RABGAP1L: variants seen among roughly 807,000 people sequenced by gnomAD.
RABGAP1L encodes rab GTPase-activating protein 1-like.
Under a neutral mutation model 137.7 loss-of-function variants are expected in RABGAP1L, and 63 were observed. The ratio of observed to expected loss-of-function variants is 0.46; its 90% CI spans 0.37 to 0.56. The LOEUF (loss-of-function observed/expected upper bound fraction) is 0.56. Among genes scored for constraint, RABGAP1L ranks in the 20% least tolerant of loss-of-function variants. RABGAP1L has a pLI of 0.00. For synonymous variants in RABGAP1L, 431 were observed against 433.7 expected (o/e 0.99, Z 0.08); for missense variants, 1,095 against 1,244.0 (o/e 0.88, Z 1.80).
At chr1:174,367,519 T>C in intron 11 of RABGAP1L, 1 of 198,706 alleles carries the variant, frequency 5.0e-6, no homozygotes, top group South Asian at 1.0e-4. Flanking sequence ...GATGGCTTAA[T>C]TTATTTCCTC....
chr1:174,543,785 G>T (rs1165451206), intron 13 of RABGAP1L, among the ~76,000 whole-genome samples: 2 of 152,156 alleles, frequency 1.3e-5, no homozygotes, highest in Admixed American at 6.5e-5. Flanking sequence ...TGTAAGGCAG[G>T]CCTGGTGGTG....
chr1:174,540,757 G>A (rs918838615), intron 13 of RABGAP1L, among the ~76,000 whole-genome samples: 2 of 152,128 alleles, frequency 1.3e-5, no homozygotes, highest in African/African-American at 4.8e-5. Flanking sequence ...TTTTTGTTTA[G>A]GATTGTCTTG....
At chr1:174,266,968 T>C (rs1674125442) in intron 7 of RABGAP1L, among the ~76,000 whole-genome samples, 1 of 152,156 alleles carries the variant, frequency 6.6e-6, no homozygotes, top group East Asian at 1.9e-4. Context: ...ATGAACCATA[T>C]TGAAAAAGTA....
intron 13 of RABGAP1L, among the ~76,000 whole-genome samples, chr1:174,534,802 A>AAAAAAAAAAAAAATAAT (rs1553324953): frequency 1.5e-5 from 2 of 137,312 alleles, no homozygotes; most frequent in East Asian, 4.2e-4. Flanking sequence ...AAAAAAAAAA[A>AAAAAAAAAAAAAATAAT]AATAATTAGA....
chr1:174,788,942 G>A (rs1402182200), intron 18 of RABGAP1L, among the ~76,000 whole-genome samples: 2 of 152,114 alleles, frequency 1.3e-5, no homozygotes, highest in African/African-American at 4.8e-5. Context: ...TCGAACTCCT[G>A]AGCTCAGGCC....
At chr1:174,589,349 T>G (rs1361461468) in intron 13 of RABGAP1L, among the ~76,000 whole-genome samples, 1 of 152,216 alleles carries the variant, frequency 6.6e-6, no homozygotes. Flanking sequence ...ATTCCGGTTG[T>G]TCATCATTTG....
chr1:174,823,489 C>A (rs774974648), intron 19 of RABGAP1L, among the ~76,000 whole-genome samples: 5 of 152,048 alleles, frequency 3.3e-5, no homozygotes, highest in Non-Finnish European at 5.9e-5. Context: ...TTTGGGGATC[C>A]GATTTACAGA....
intron 19 of RABGAP1L, among the ~76,000 whole-genome samples, chr1:174,884,984 C>T (rs956752625): frequency 6.6e-5 from 10 of 152,238 alleles, no homozygotes; most frequent in African/African-American, 2.4e-4. Flanking sequence ...TGAGCACACA[C>T]TCAAACTAAA....
chr1:174,831,722 G>A lies in RABGAP1L; in HGVS notation c.2340+19762G>A, dbSNP rs1692132311. Reference sequence around the variant, plus strand: ...GGAGGTTCATGGGTAGAACCTCTAGGTGACTAAAAAAAAACTAGCTTTATG... The same window carrying A: ...GGAGGTTCATGGGTAGAACCTCTAGATGACTAAAAAAAAACTAGCTTTATG... On this transcript the variant is annotated intron_variant, in intron 19 of 25. Transcript: ENST00000681986. 1.4e-5 allele frequency among the ~76,000 whole-genome samples: 2 copies of A among 147,362 alleles called. 1 individual carries two copies. Among genetic ancestry groups the A allele is most frequent in the Non-Finnish European group, 3.0e-5 (2 of 66,528 alleles).
At chr1:174,226,002 T>G (rs1232214420) in intron 3 of RABGAP1L, among the ~76,000 whole-genome samples, 1 of 152,038 alleles carries the variant, frequency 6.6e-6, no homozygotes. Context: ...AGTTCTGTGG[T>G]CGGGGCTAGT....
intron 13 of RABGAP1L, among the ~76,000 whole-genome samples, chr1:174,558,449 A>C (rs1307634315): frequency 6.6e-6 from 1 of 152,198 alleles, no homozygotes; most frequent in African/African-American, 2.4e-5. Context: ...AAAGTTTGCC[A>C]AGAGTTACCC....
At chr1:174,571,626 G>GCCGC (rs998047119) in intron 13 of RABGAP1L, among the ~76,000 whole-genome samples, 1 of 152,036 alleles carries the variant, frequency 6.6e-6, no homozygotes, top group African/African-American at 2.4e-5. Flanking sequence ...GTGTATGCAT[G>GCCGC]CAATATAAAT....
At chr1:174,653,621 A>T (rs1311193164) in intron 14 of RABGAP1L, among the ~76,000 whole-genome samples, 1 of 152,148 alleles carries the variant, frequency 6.6e-6, no homozygotes. Flanking sequence ...TCTCAATGAG[A>T]TGAGCTGGTA....
chr1:174,179,055 G>A (rs1028548002), intron 1 of RABGAP1L, among the ~76,000 whole-genome samples: 5 of 152,102 alleles, frequency 3.3e-5, no homozygotes, highest in African/African-American at 1.2e-4. Context: ...AGTAGTGTGA[G>A]GCTGTTAAGC....
intron 24 of RABGAP1L, among the ~76,000 whole-genome samples, chr1:174,984,012 A>G (rs2149390783): frequency 6.6e-6 from 1 of 150,992 alleles, no homozygotes; most frequent in South Asian, 2.1e-4. Context: ...AATGGCATAA[A>G]GGGGTTAACT....
chr1:174,276,669 T>C (rs1427550223), intron 9 of RABGAP1L, among the ~76,000 whole-genome samples: 1 of 152,156 alleles, frequency 6.6e-6, no homozygotes, highest in Admixed American at 6.5e-5. Context: ...TCTTTTGGCC[T>C]TCGGGATGCT....
intron 19 of RABGAP1L, among the ~76,000 whole-genome samples, chr1:174,927,927 T>C (rs1285180885): frequency 6.6e-6 from 1 of 152,186 alleles, no homozygotes; most frequent in African/African-American, 2.4e-5. Flanking sequence ...AATATTGTCG[T>C]TGCCTCTCTA....
intron 1 of RABGAP1L, among the ~76,000 whole-genome samples, chr1:174,176,713 GAAAAAAAAA>G (rs71563251): frequency 0.031 from 676 of 21,572 alleles, 36 homozygotes; most frequent in African/African-American, 0.09. Flanking sequence ...CCCTTTTTCA[GAAAAAAAAA>G]AAAAAAAAAA....
chr1:174,584,636 G>C (rs535037052), intron 13 of RABGAP1L, among the ~76,000 whole-genome samples: 1 of 152,194 alleles, frequency 6.6e-6, no homozygotes, highest in Non-Finnish European at 1.5e-5. Context: ...CATTCTTGGT[G>C]ATGGGCTTGG....
Sources: gnomAD v4.1 joint callset for allele counts (sites outside exome capture counted in the v4.1 genomes callset) on GRCh38, gnomAD v4.1.1 for gene constraint, MANE v1.5 for transcripts, NCBI Gene and HGNC (gene_info 2026-07-23, HGNC 2026-07-21) for gene names.